PATJ: variants seen among roughly 807,000 people sequenced by gnomAD.
PATJ encodes PATJ crumbs cell polarity complex component.
A neutral mutation model predicts 224.9 loss-of-function variants in PATJ; 190 were observed. The ratio of observed to expected loss-of-function variants is 0.84; its 90% CI spans 0.75 to 0.95. The LOEUF (loss-of-function observed/expected upper bound fraction) is 0.95. Ranked by LOEUF, PATJ falls within the 40% of genes least tolerant of loss-of-function variation. The pLI, the probability that PATJ is intolerant of heterozygous loss-of-function variation, is 0.00. For missense variants in PATJ, 2,121 were observed against 2,270.3 expected (o/e 0.93, Z 1.34); for synonymous variants, 769 against 820.3 (o/e 0.94, Z 1.07).
At chr1:62,154,166 G>A (rs1668920205) in intron 43 of PATJ, among the ~76,000 whole-genome samples, 1 of 152,102 alleles carries the variant, frequency 6.6e-6, no homozygotes, top group African/African-American at 2.4e-5. Context: ...AAAGTGCTGG[G>A]ATTATAGGTG....
At chr1:61,787,336 C>T (rs1204370461) in intron 7 of PATJ, among the ~76,000 whole-genome samples, 1 of 152,216 alleles carries the variant, frequency 6.6e-6, no homozygotes, top group Non-Finnish European at 1.5e-5. Context: ...GCCGCACTGG[C>T]ATCTTTCTAT....
chr1:61,879,416 C>T (rs1478337618), intron 21 of PATJ, among the ~76,000 whole-genome samples: 1 of 152,054 alleles, frequency 6.6e-6, no homozygotes, highest in African/African-American at 2.4e-5. Context: ...AGAATGAAGG[C>T]CTCCATCAAA....
At chr1:62,006,619 A>G (rs1646110207) in intron 28 of PATJ, among the ~76,000 whole-genome samples, 1 of 152,212 alleles carries the variant, frequency 6.6e-6, no homozygotes, top group African/African-American at 2.4e-5. Context: ...CCCTAATTCT[A>G]CTTCTGCTAG....
chr1:62,111,898 G>C (rs1428659789), intron 34 of PATJ, among the ~76,000 whole-genome samples: 1 of 151,514 alleles, frequency 6.6e-6, no homozygotes, highest in Non-Finnish European at 1.5e-5. Flanking sequence ...CTGACCTCGT[G>C]ATCTGCCTGC....
chr1:61,932,592 G>A (rs1007688655), intron 27 of PATJ, among the ~76,000 whole-genome samples: 2 of 152,136 alleles, frequency 1.3e-5, no homozygotes, highest in Admixed American at 6.5e-5. Context: ...AAGAGAAAGA[G>A]GACGCTTGAT....
intron 28 of PATJ, among the ~76,000 whole-genome samples, chr1:62,011,794 A>C (rs1477142976): frequency 6.6e-6 from 1 of 152,112 alleles, no homozygotes; most frequent in Non-Finnish European, 1.5e-5. Flanking sequence ...TTATTGTTCA[A>C]GGTGCAATTT....
chr1:62,011,501 A>AT (rs951205393), intron 28 of PATJ, among the ~76,000 whole-genome samples: 1 of 152,208 alleles, frequency 6.6e-6, no homozygotes, highest in Non-Finnish European at 1.5e-5. Flanking sequence ...TAAGTTTGCC[A>AT]TTTTATATGG....
chr1:61,911,304 C>G (rs1409695276), intron 25 of PATJ, among the ~76,000 whole-genome samples: 1 of 152,244 alleles, frequency 6.6e-6, no homozygotes, highest in East Asian at 1.9e-4. Flanking sequence ...ACCTCCGCCA[C>G]CCGGATTCAA....
chr1:61,770,554 C>G (rs1646541519), intron 5 of PATJ, among the ~76,000 whole-genome samples: 1 of 152,098 alleles, frequency 6.6e-6, no homozygotes, highest in South Asian at 2.1e-4. Flanking sequence ...TCAGTAAATA[C>G]TATTTTTCTT....
At chr1:62,058,042 G>C (rs1268074041) in intron 31 of PATJ, among the ~76,000 whole-genome samples, 2 of 152,176 alleles carry the variant, frequency 1.3e-5, no homozygotes, top group Non-Finnish European at 2.9e-5. Context: ...CAAATTTCCA[G>C]TGGTATTTGT....
chr1:62,151,606 T>C (rs1668646509), intron 42 of PATJ, among the ~76,000 whole-genome samples: 1 of 152,032 alleles, frequency 6.6e-6, no homozygotes, highest in African/African-American at 2.4e-5. Flanking sequence ...AATAAATAAA[T>C]AAACCCAGCA....
chr1:61,768,050 A>T (rs1446745425), intron 4 of PATJ, among the ~76,000 whole-genome samples: 1 of 152,116 alleles, frequency 6.6e-6, no homozygotes, highest in African/African-American at 2.4e-5. Flanking sequence ...AAGTTCTCAT[A>T]AGTGCAGTTA....
chr1:61,892,796 T>C (rs1037424127), intron 22 of PATJ, among the ~76,000 whole-genome samples: 2 of 152,110 alleles, frequency 1.3e-5, no homozygotes, highest in South Asian at 4.1e-4. Flanking sequence ...TTTGTTACAA[T>C]TGATAATATT....
intron 32 of PATJ, among the ~76,000 whole-genome samples, chr1:62,080,374 C>G (rs1479674425): frequency 1.3e-5 from 2 of 151,984 alleles, no homozygotes; most frequent in African/African-American, 2.4e-5. Context: ...TTCTGTCACC[C>G]AGGCTGGAGG....
chr1:61,857,066 C>T (rs188313402), intron 18 of PATJ, among the ~76,000 whole-genome samples: 3 of 152,154 alleles, frequency 2.0e-5, no homozygotes, highest in Non-Finnish European at 4.4e-5. Context: ...CATCAAGAAC[C>T]CCTATAATGT....
At chr1:61,827,313 A>G (rs1658448119) in intron 15 of PATJ, 109 bp from the exon 16 acceptor site, 1 of 897,172 alleles carries the variant, frequency 1.1e-6, no homozygotes. Flanking sequence ...GTTTACAGGG[A>G]AAATAAAATG....
chr1:62,033,634 G>A (rs1479033342), intron 29 of PATJ, among the ~76,000 whole-genome samples: 1 of 152,128 alleles, frequency 6.6e-6, no homozygotes, highest in Non-Finnish European at 1.5e-5. Context: ...TGGCCCATCC[G>A]AGGAATCACT....
intron 20 of PATJ, among the ~76,000 whole-genome samples, chr1:61,873,325 G>A (rs1666898848): frequency 6.6e-6 from 1 of 151,968 alleles, no homozygotes; most frequent in African/African-American, 2.4e-5. Flanking sequence ...ACACCGCTAT[G>A]CCTGGCTAGT....
intron 27 of PATJ, among the ~76,000 whole-genome samples, chr1:61,970,836 G>A (rs921805194): frequency 6.6e-6 from 1 of 152,042 alleles, no homozygotes; most frequent in Non-Finnish European, 1.5e-5. Flanking sequence ...GAACTATTCA[G>A]AAGATACTAT....
Sources: gnomAD v4.1 joint callset for allele counts (sites outside exome capture counted in the v4.1 genomes callset) on GRCh38, gnomAD v4.1.1 for gene constraint, MANE v1.5 for transcripts, NCBI Gene and HGNC (gene_info 2026-07-23, HGNC 2026-07-21) for gene names.